The following FAM117A variants were observed in gnomAD, a reference collection of about 807,000 sequenced individuals.
The protein encoded by FAM117A is protein FAM117A.
A neutral mutation model predicts 44.1 loss-of-function variants in FAM117A; 21 were observed. That is an observed-to-expected ratio of 0.48 (90% CI 0.34 to 0.69). The LOEUF (loss-of-function observed/expected upper bound fraction) is 0.69, where lower values mean the gene tolerates loss of function less well. Among genes scored for constraint, FAM117A ranks in the 30% least tolerant of loss-of-function variants. The pLI is 0.01. For missense variants in FAM117A, 498 were observed against 589.9 expected, an observed-to-expected ratio of 0.84 and a Z score of 1.61; for synonymous variants, 220 against 238.3, an observed-to-expected ratio of 0.92 and a Z score of 0.71.
intron 1 of FAM117A, among the ~76,000 whole-genome samples, chr17:49,772,296 A>T (rs1337934151): frequency 6.6e-6 from 1 of 151,968 alleles, no homozygotes; most frequent in Non-Finnish European, 1.5e-5. Flanking sequence ...CACCTCAAAA[A>T]AAAAAAAAGT....
At chr17:49,787,215 C>T (rs968134558) in intron 1 of FAM117A, among the ~76,000 whole-genome samples, 2 of 152,122 alleles carry the variant, frequency 1.3e-5, no homozygotes, top group South Asian at 2.1e-4. Flanking sequence ...GGAACATATC[C>T]GTGAGTGCAA....
intron 1 of FAM117A, among the ~76,000 whole-genome samples, chr17:49,779,144 T>G (rs1408306127): frequency 6.6e-6 from 1 of 152,072 alleles, no homozygotes; most frequent in East Asian, 1.9e-4. Flanking sequence ...AGCAGGTTTG[T>G]GTGAGATGGG....
chr17:49,740,551 G>T (rs1242292005), intron 1 of FAM117A, among the ~76,000 whole-genome samples: 1 of 152,152 alleles, frequency 6.6e-6, no homozygotes, highest in African/African-American at 2.4e-5. Context: ...ACCCAGCCTG[G>T]TAAGCAGATT....
intron 7 of FAM117A, among the ~76,000 whole-genome samples, 180 bp from the exon 8 acceptor site, chr17:49,711,735 AAAC>A (rs1322187319): frequency 6.6e-6 from 1 of 152,230 alleles, no homozygotes; most frequent in African/African-American, 2.4e-5. Context: ...AAATATGGCT[AAAC>A]AACGGGAAAT....
chr17:49,739,467 A>G (rs560222872), intron 1 of FAM117A, among the ~76,000 whole-genome samples: 20 of 152,288 alleles, frequency 1.3e-4, no homozygotes, highest in Admixed American at 6.5e-4. Context: ...CTGCTGCCCA[A>G]TGAGATTGAC....
At chr17:49,728,398 C>G (rs1192443942) in intron 2 of FAM117A, among the ~76,000 whole-genome samples, 1 of 150,298 alleles carries the variant, frequency 6.7e-6, no homozygotes, top group African/African-American at 2.5e-5. Context: ...TGTGGTTTGT[C>G]AAGACTTAAG....
chr17:49,789,108 A>T (rs1302288800), upstream of FAM117A: 2 of 368,332 alleles, frequency 5.4e-6, no homozygotes, highest in Non-Finnish European at 9.9e-6. Flanking sequence ...AACGTCTGGA[A>T]GCATATTGAT....
At chr17:49,750,790 C>A (rs1208730758) in intron 1 of FAM117A, among the ~76,000 whole-genome samples, 1 of 151,992 alleles carries the variant, frequency 6.6e-6, no homozygotes, top group Non-Finnish European at 1.5e-5. Context: ...AAAAGATGAG[C>A]TATTACACGA....
chr17:49,767,913 A>AT (rs113620647), upstream of FAM117A, among the ~76,000 whole-genome samples: 280 of 148,386 alleles, frequency 1.9e-3, no homozygotes, highest in East Asian at 0.011. Flanking sequence ...AATAATAATA[A>AT]AAAAAAAAAG....
At chr17:49,727,565 A>T (rs73335259) in intron 2 of FAM117A, among the ~76,000 whole-genome samples, 1 of 152,340 alleles carries the variant, frequency 6.6e-6, no homozygotes, top group African/African-American at 2.4e-5. Flanking sequence ...TAGGTTATGC[A>T]AAACTGGACG....
chr17:49,781,130 T>C (rs1419769355), intron 1 of FAM117A, among the ~76,000 whole-genome samples: 2 of 152,196 alleles, frequency 1.3e-5, no homozygotes, highest in African/African-American at 4.8e-5. Context: ...TTTGCCTTCT[T>C]AGTAACAGTA....
intron 1 of FAM117A, among the ~76,000 whole-genome samples, chr17:49,739,609 G>A (rs1443420800): frequency 1.3e-5 from 2 of 152,214 alleles, no homozygotes; most frequent in Non-Finnish European, 2.9e-5. Context: ...TGTGATTATT[G>A]TTAAAGGAGA....
chr17:49,749,863 T>C (rs149734418), intron 1 of FAM117A, among the ~76,000 whole-genome samples: 1 of 148,420 alleles, frequency 6.7e-6, no homozygotes, highest in African/African-American at 2.4e-5. Context: ...TCCTAAGAGG[T>C]GGCCTACTAT....
chr17:49,732,587 C>T lies in FAM117A; in HGVS notation c.330G>A (p.Gly110=). 6.2e-7 allele frequency: 1 copy of T among 1,614,088 alleles called. No homozygotes were observed. Among genetic ancestry groups the T allele is most frequent in the Non-Finnish European group, 8.5e-7 (1 of 1,180,012 alleles). Reference sequence around the variant, plus strand: ...TGTCATTGGTGCAGCAGGTGAAGGCCCCATCAGCATCTCGTGGCCACTGGC... The same window carrying T: ...TGTCATTGGTGCAGCAGGTGAAGGCTCCATCAGCATCTCGTGGCCACTGGC... ...LLGQWPRDAD[G]AFTCCTNDKA... The change falls in exon 2 of 8, where the codon GGG becomes GGA. Residue 110 remains glycine (G), a synonymous_variant. Coordinates refer to ENST00000240364, the MANE Select transcript of FAM117A (RefSeq NM_030802.4).
At chr17:49,718,513 CA>C (rs930351168) in intron 5 of FAM117A, among the ~76,000 whole-genome samples, 2 of 151,130 alleles carry the variant, frequency 1.3e-5, no homozygotes, top group African/African-American at 4.9e-5. Context: ...CTCAAAGATA[CA>C]AAAAAAATTA....
chr17:49,749,445 C>G (rs2073666850), intron 1 of FAM117A, among the ~76,000 whole-genome samples: 1 of 151,544 alleles, frequency 6.6e-6, no homozygotes, highest in African/African-American at 2.4e-5. Context: ...GGCATGGTGG[C>G]ACGCGCCTGT....
At chr17:49,730,965 T>C (rs567572391) in intron 2 of FAM117A, among the ~76,000 whole-genome samples, 6 of 152,354 alleles carry the variant, frequency 3.9e-5, no homozygotes, top group Non-Finnish European at 8.8e-5. Flanking sequence ...GTCTGTTTAC[T>C]GGCCCTCATA....
intron 2 of FAM117A, among the ~76,000 whole-genome samples, chr17:49,725,116 T>A (rs2073553944): frequency 6.6e-6 from 1 of 152,044 alleles, no homozygotes; most frequent in Non-Finnish European, 1.5e-5. Flanking sequence ...CATCTCCCTC[T>A]CCTTTTTCTT....
At chr17:49,736,076 G>C (rs1368789798) in intron 1 of FAM117A, among the ~76,000 whole-genome samples, 1 of 148,538 alleles carries the variant, frequency 6.7e-6, no homozygotes, top group Non-Finnish European at 1.5e-5. Context: ...TACCTCTTCT[G>C]TGTGTGTGTA....
Sources: allele counts gnomAD v4.1 joint callset (sites outside exome capture counted in the v4.1 genomes callset), GRCh38; gene constraint gnomAD v4.1.1; transcripts MANE v1.5; gene names NCBI Gene and HGNC (gene_info 2026-07-23, HGNC 2026-07-21).